Variants in STXBP5 observed in about 807,000 individuals in gnomAD.
STXBP5 encodes syntaxin-binding protein 5.
A neutral mutation model predicts 152.4 loss-of-function variants in STXBP5; 50 were observed. That is an observed-to-expected ratio of 0.33 (90% CI 0.26 to 0.42). The LOEUF is 0.42. Among genes scored for constraint, STXBP5 ranks in the 10% least tolerant of loss-of-function variants. The pLI, the probability that STXBP5 is intolerant of heterozygous loss-of-function variation, is 1.00. For synonymous variants in STXBP5, 492 were observed against 494.7 expected (o/e 0.99, Z 0.07); for missense variants, 1,167 against 1,388.6 (o/e 0.84, Z 2.54).
chr6:147,283,613 G>A lies in STXBP5; in HGVS notation c.838+5409G>A, dbSNP rs114925544. On this transcript the variant is annotated intron_variant, in intron 8 of 27. Transcript: ENST00000321680. ...GAGTCACCAAGATCTGGCTTCTGAA[G>A]AGCTCCAGAGAAACTCTCAGGAAGG... Among the ~76,000 whole-genome samples, 1,225 of 152,262 alleles carry A rather than the reference G, an allele frequency of 8.0e-3. 16 individuals carry two copies. The highest frequency in any genetic ancestry group is 0.028 in the African/African-American group (1,176 of 41,528).
At chr6:147,310,318 A>G in intron 10 of STXBP5, 80 bp downstream of exon 10, 1 of 1,109,162 alleles carries the variant, frequency 9.0e-7, no homozygotes, top group Non-Finnish European at 1.2e-6. Flanking sequence ...TTGTTTAGAT[A>G]AAACTACTCA....
chr6:147,340,959 A>G (rs1473531313), intron 21 of STXBP5, among the ~76,000 whole-genome samples: 2 of 152,112 alleles, frequency 1.3e-5, no homozygotes, highest in East Asian at 3.8e-4. Flanking sequence ...TTTTGGGGAA[A>G]GCATGTTATG....
At chr6:147,260,367 T>G (rs979926165) in intron 4 of STXBP5, among the ~76,000 whole-genome samples, 4 of 152,166 alleles carry the variant, frequency 2.6e-5, no homozygotes, top group African/African-American at 7.2e-5. Context: ...ACAGCCAGAT[T>G]TGAAACACAT....
At chr6:147,242,357 C>A (rs994481398) in intron 4 of STXBP5, among the ~76,000 whole-genome samples, 1 of 151,832 alleles carries the variant, frequency 6.6e-6, no homozygotes, top group South Asian at 2.1e-4. Context: ...TTACAGTAAG[C>A]TAAGGTTAAT....
At chr6:147,352,290 A>C (rs1181579177) in intron 21 of STXBP5, among the ~76,000 whole-genome samples, 2 of 152,242 alleles carry the variant, frequency 1.3e-5, no homozygotes, top group East Asian at 3.9e-4. Flanking sequence ...AATGTAATCA[A>C]ATACTTAAAT....
intron 16 of STXBP5, among the ~76,000 whole-genome samples, chr6:147,319,440 C>A (rs1327343032): frequency 6.6e-6 from 1 of 152,058 alleles, no homozygotes; most frequent in African/African-American, 2.4e-5. Context: ...GTCCTTTAGA[C>A]CTTTGAGCAT....
intron 9 of STXBP5, among the ~76,000 whole-genome samples, chr6:147,297,539 T>C (rs1319188704): frequency 1.3e-5 from 2 of 152,084 alleles, no homozygotes; most frequent in African/African-American, 4.8e-5. Flanking sequence ...AGAGATAAAT[T>C]TGTAATCAAA....
chr6:147,243,791 CT>C (rs1001849010), intron 4 of STXBP5, among the ~76,000 whole-genome samples: 2 of 151,422 alleles, frequency 1.3e-5, no homozygotes, highest in African/African-American at 4.8e-5. Flanking sequence ...AGTTTTTTTT[CT>C]TTTTTTAATT....
intron 21 of STXBP5, chr6:147,351,993 CTT>C (rs988771115): frequency 1.6e-6 from 1 of 627,996 alleles, no homozygotes; most frequent in African/African-American, 2.0e-5. Context: ...ATAGGAAGCA[CTT>C]TTCTTTTACG....
chr6:147,276,512 TATATACATG>T (rs1337221072), intron 7 of STXBP5, among the ~76,000 whole-genome samples: 1 of 152,166 alleles, frequency 6.6e-6, no homozygotes, highest in East Asian at 1.9e-4. Flanking sequence ...GATACATATT[TATATACATG>T]ATATACATTT....
At chr6:147,349,067 TATAAC>T (rs1280297835) in intron 21 of STXBP5, among the ~76,000 whole-genome samples, 1 of 152,118 alleles carries the variant, frequency 6.6e-6, no homozygotes, top group Non-Finnish European at 1.5e-5. Context: ...AAAAAGCATA[TATAAC>T]ATAAGATACA....
At chr6:147,368,470 A>G (rs1346394878) in intron 25 of STXBP5, among the ~76,000 whole-genome samples, 1 of 152,202 alleles carries the variant, frequency 6.6e-6, no homozygotes, top group Admixed American at 6.5e-5. Context: ...AACAAGGAAC[A>G]GAAGAAAACT....
chr6:147,327,844 A>G (rs1239918333), intron 18 of STXBP5, among the ~76,000 whole-genome samples: 3 of 152,180 alleles, frequency 2.0e-5, no homozygotes, highest in African/African-American at 7.2e-5. Flanking sequence ...TTGTATAATT[A>G]TTATATAAAA....
intron 4 of STXBP5, among the ~76,000 whole-genome samples, chr6:147,243,724 G>C (rs1052319080): frequency 6.6e-6 from 1 of 152,026 alleles, no homozygotes; most frequent in Non-Finnish European, 1.5e-5. Flanking sequence ...TTTACATTTA[G>C]ATCTGTGATC....
intron 12 of STXBP5, 50 bp from the exon 13 acceptor site, chr6:147,314,214 G>A (rs1162207968): frequency 1.4e-6 from 2 of 1,443,272 alleles, no homozygotes; most frequent in Non-Finnish European, 1.9e-6. Context: ...CACACACGGA[G>A]GTATGTAGTA....
chr6:147,303,861 G>C (rs928865748), intron 9 of STXBP5, among the ~76,000 whole-genome samples: 18 of 152,180 alleles, frequency 1.2e-4, no homozygotes, highest in African/African-American at 2.9e-4. Flanking sequence ...TTAGCAAAGA[G>C]ACTGGTGGCT....
At chr6:147,345,847 C>G (rs548675448) in intron 21 of STXBP5, among the ~76,000 whole-genome samples, 1 of 152,280 alleles carries the variant, frequency 6.6e-6, no homozygotes, top group Middle Eastern at 3.4e-3. Flanking sequence ...GCATTGCAGA[C>G]ATAATTATTG....
rs1396904317 is a variant in STXBP5 at position 147,204,771 on chromosome 6, G to A, written c.150+89G>A. 6.1e-6 allele frequency: 8 copies of A among 1,319,422 alleles called. No homozygotes were observed. The Admixed American group carries it at 1.6e-4, about 26-fold the overall frequency. The allele number at this position is 1,319,422 out of a possible 1,614,324, so 81.7% of individuals were successfully genotyped here. On this transcript the variant is annotated intron_variant, in intron 1 of 27. Transcript: ENST00000321680. This position sits in a 1 kb window ranked among gnomAD's most constrained non-coding sequence, Gnocchi z 4.3. ...ACTCGGGCTTTACATGGGAATGCAA[G>A]GGAAGAGAACGCCAATAATAATAAT...
chr6:147,255,489 T>C (rs1342256114), intron 4 of STXBP5, among the ~76,000 whole-genome samples: 1 of 139,802 alleles, frequency 7.2e-6, no homozygotes, highest in East Asian at 2.4e-4. Context: ...TGAAAGACTT[T>C]CTTTGTTCCT....
Sources: gnomAD v4.1 joint callset for allele counts (sites outside exome capture counted in the v4.1 genomes callset) on GRCh38, gnomAD v4.1.1 for gene constraint, Gnocchi (gnomAD v3.1) non-coding constraint, MANE v1.5 for transcripts, NCBI Gene and HGNC (gene_info 2026-07-23, HGNC 2026-07-21) for gene names.